SLC24A2: variants seen among roughly 807,000 people sequenced by gnomAD.
SLC24A2 encodes sodium/potassium/calcium exchanger 2.
A neutral mutation model predicts 62.0 loss-of-function variants in SLC24A2; 36 were observed. The ratio of observed to expected loss-of-function variants is 0.58; its 90% CI spans 0.44 to 0.77. The LOEUF is 0.77. Ranked by LOEUF, SLC24A2 falls within the 30% of genes least tolerant of loss-of-function variation. The probability of loss-of-function intolerance (pLI) is 0.00; values close to 1 mark genes in which losing one functional copy is unlikely to be tolerated. For missense variants in SLC24A2, 846 were observed against 817.9 expected, an observed-to-expected ratio of 1.03 and a Z score of -0.42; for synonymous variants, 358 against 294.0, an observed-to-expected ratio of 1.22 and a Z score of -2.23.
intron 6 of SLC24A2, among the ~76,000 whole-genome samples, chr9:19,573,856 T>C (rs1468034843): frequency 1.3e-5 from 2 of 152,098 alleles, no homozygotes; most frequent in South Asian, 2.1e-4. Context: ...AACATGAACA[T>C]AGACATTTTA....
intron 2 of SLC24A2, among the ~76,000 whole-genome samples, chr9:19,779,142 C>T (rs912456104): frequency 6.6e-6 from 1 of 152,046 alleles, no homozygotes; most frequent in Admixed American, 6.5e-5. Flanking sequence ...AGTGAAAACA[C>T]GTGGAAGGTA....
chr9:20,073,418 C>T, the SLC24A2 span, among the ~76,000 whole-genome samples: 1 of 152,074 alleles, frequency 6.6e-6, no homozygotes, highest in Non-Finnish European at 1.5e-5. Context: ...ATTTCATCTT[C>T]AAAATCTTTT....
the SLC24A2 span, among the ~76,000 whole-genome samples, chr9:20,292,542 T>A: frequency 6.6e-6 from 1 of 152,180 alleles, no homozygotes; most frequent in Non-Finnish European, 1.5e-5. Flanking sequence ...GGGGCTGCTG[T>A]AACAAAGTAC....
In SLC24A2 at chr9:19,636,398, T is replaced by C. The variant is rs570055148; in HGVS notation, c.931-14099A>G. 1.4e-4 allele frequency among the ~76,000 whole-genome samples: 13 copies of C among 94,712 alleles called. 1 individual carries two copies. Among genetic ancestry groups the C allele is most frequent in the African/African-American group, 5.4e-4 (11 of 20,196 alleles). 62.1% of individuals were successfully genotyped at this position (94,712 alleles called of 152,430 possible). A position where few individuals can be genotyped will look rare whatever the true frequency, so the allele number is the denominator to read the frequency against. ...TTCTTTCTTTCTTTCTCCCTCTCTC[T>C]CTCTCTCTCTTTCTTTCTTTCCTCT... On this transcript the variant is annotated intron_variant, in intron 2 of 10. Coordinates refer to ENST00000341998, the MANE Select transcript of SLC24A2 (RefSeq NM_020344.4).
intron 5 of SLC24A2, among the ~76,000 whole-genome samples, chr9:19,583,190 C>T (rs779876128): frequency 3.2e-4 from 49 of 152,278 alleles, no homozygotes; most frequent in African/African-American, 9.6e-4. Context: ...GCTCCAGCCA[C>T]GCTGGTCTCT....
chr9:19,897,349 A>C, the SLC24A2 span, among the ~76,000 whole-genome samples: 1 of 152,082 alleles, frequency 6.6e-6, no homozygotes, highest in Non-Finnish European at 1.5e-5. Flanking sequence ...TTATCTTCCC[A>C]AAACTTAAAA....
the SLC24A2 span, among the ~76,000 whole-genome samples, chr9:20,121,002 G>A: frequency 0.11 from 16,275 of 149,852 alleles, 921 homozygotes; most frequent in Middle Eastern, 0.17. Context: ...TCTTTAACCA[G>A]TATACGTGTT....
chr9:19,577,103 C>T, intron 5 of SLC24A2, 81 bp from the exon 6 acceptor site: 1 of 1,056,400 alleles, frequency 9.5e-7, no homozygotes, highest in Non-Finnish European at 1.5e-6. Context: ...GTGGCCTCCT[C>T]AGTCACGCTG....
At chr9:20,059,417 A>G in the SLC24A2 span, among the ~76,000 whole-genome samples, 1 of 152,222 alleles carries the variant, frequency 6.6e-6, no homozygotes, top group Non-Finnish European at 1.5e-5. Flanking sequence ...ACAAGTCTCC[A>G]TAAATTTTAA....
chr9:19,763,959 G>T (rs1197063786), intron 2 of SLC24A2, among the ~76,000 whole-genome samples: 1 of 152,014 alleles, frequency 6.6e-6, no homozygotes, highest in African/African-American at 2.4e-5. Flanking sequence ...TTTTTGGTTG[G>T]CAGGCTATTA....
chr9:19,564,532 C>G (rs1272428627), intron 7 of SLC24A2, among the ~76,000 whole-genome samples: 2 of 100,658 alleles, frequency 2.0e-5, no homozygotes, highest in Non-Finnish European at 4.4e-5. Context: ...ACCTACCTAT[C>G]TCTCTCTGTA....
intron 7 of SLC24A2, among the ~76,000 whole-genome samples, chr9:19,554,834 G>T (rs952627111): frequency 2.0e-5 from 3 of 152,120 alleles, no homozygotes; most frequent in Non-Finnish European, 4.4e-5. Context: ...AGGGCCATTC[G>T]TGCCCTGGAC....
chr9:20,173,551 A>C, the SLC24A2 span, among the ~76,000 whole-genome samples: 864 of 152,246 alleles, frequency 5.7e-3, 13 homozygotes, highest in African/African-American at 0.02. Context: ...CCAAGCTGAG[A>C]ATCAAATTAA....
At chr9:19,889,026 G>A in the SLC24A2 span, among the ~76,000 whole-genome samples, 1 of 152,160 alleles carries the variant, frequency 6.6e-6, no homozygotes, top group Non-Finnish European at 1.5e-5. Flanking sequence ...AGCTAGAGGA[G>A]GAGAGCCCTG....
the SLC24A2 span, among the ~76,000 whole-genome samples, chr9:19,947,470 C>A: frequency 2.3e-4 from 35 of 149,496 alleles, no homozygotes; most frequent in African/African-American, 8.3e-4. Flanking sequence ...GGCAGGAAGG[C>A]AGGAAGGAAG....
chr9:20,228,516 T>C, the SLC24A2 span, among the ~76,000 whole-genome samples: 1 of 151,320 alleles, frequency 6.6e-6, no homozygotes, highest in African/African-American at 2.4e-5. Context: ...AGATGGAAAA[T>C]GGGGAGGTGA....
At chr9:19,687,271 C>A (rs1819910685) in intron 2 of SLC24A2, among the ~76,000 whole-genome samples, 1 of 151,960 alleles carries the variant, frequency 6.6e-6, no homozygotes, top group African/African-American at 2.4e-5. Context: ...GTTCCCCGAA[C>A]CTAAAATAAA....
At chr9:20,033,978 T>G in the SLC24A2 span, among the ~76,000 whole-genome samples, 1 of 152,342 alleles carries the variant, frequency 6.6e-6, no homozygotes, top group South Asian at 2.1e-4. Flanking sequence ...TCATGTGGCC[T>G]TCTAGGCTGA....
the SLC24A2 span, among the ~76,000 whole-genome samples, chr9:19,935,055 A>G: frequency 6.6e-6 from 1 of 151,206 alleles, no homozygotes. Flanking sequence ...ATTTTATTTT[A>G]TTTTATTTTA....
Sources: gnomAD v4.1 joint callset for allele counts (sites outside exome capture counted in the v4.1 genomes callset) on GRCh38, gnomAD v4.1.1 for gene constraint, MANE v1.5 for transcripts, NCBI Gene and HGNC (gene_info 2026-07-23, HGNC 2026-07-21) for gene names.